The following DLG2 variants were observed in gnomAD, a reference collection of about 807,000 sequenced individuals.
DLG2 encodes the protein disks large homolog 2.
A neutral mutation model predicts 132.5 loss-of-function variants in DLG2; 45 were observed. The ratio of observed to expected loss-of-function variants is 0.34; its 90% CI spans 0.27 to 0.44. The LOEUF is 0.44. Ranked by LOEUF, DLG2 falls within the 20% of genes least tolerant of loss-of-function variation. The pLI is 1.00. For missense variants in DLG2, 1,045 were observed against 1,196.9 expected (o/e 0.87, Z 1.87); for synonymous variants, 424 against 419.6 (o/e 1.01, Z -0.13).
At chr11:84,005,229 G>T (rs1360841428) in intron 11 of DLG2, among the ~76,000 whole-genome samples, 3 of 152,034 alleles carry the variant, frequency 2.0e-5, no homozygotes, top group African/African-American at 7.2e-5. Flanking sequence ...TGACAAAGCT[G>T]CTAAGAACAT....
intron 3 of DLG2, among the ~76,000 whole-genome samples, chr11:85,491,084 G>C (rs1014574822): frequency 1.1e-4 from 16 of 151,910 alleles, no homozygotes; most frequent in Non-Finnish European, 2.4e-4. Flanking sequence ...ATGATCAAAT[G>C]GGTTTTATAA....
intron 15 of DLG2, among the ~76,000 whole-genome samples, chr11:83,914,304 G>A (rs551220370): frequency 3.9e-5 from 6 of 152,192 alleles, no homozygotes; most frequent in Middle Eastern, 3.4e-3. Flanking sequence ...ATGTGATCCT[G>A]GCTCCCCTCT....
intron 12 of DLG2, among the ~76,000 whole-genome samples, chr11:83,973,152 T>C (rs1163174295): frequency 6.6e-6 from 1 of 152,118 alleles, no homozygotes. Flanking sequence ...TCCATTTTCA[T>C]ATGTTTTAAA....
chr11:84,243,709 T>G (rs529128201), intron 8 of DLG2, among the ~76,000 whole-genome samples: 1 of 152,210 alleles, frequency 6.6e-6, no homozygotes, highest in African/African-American at 2.4e-5. Context: ...AGCAAAGGTC[T>G]AGATGTAGGT....
At chr11:84,317,295 G>GGA in intron 7 of DLG2, 2 of 1,442,754 alleles carry the variant, frequency 1.4e-6, no homozygotes, top group Non-Finnish European at 1.8e-6. Flanking sequence ...GTGCATCGTG[G>GGA]GAGCAGTGGG....
rs58945482 is a variant in DLG2, at chr11:84,928,982, GTATATATATATATATATATATA to G, written c.357+182657_357+182678del. Among the ~76,000 whole-genome samples, 43 of 49,116 alleles carry G rather than the reference GTATATATATATATATATATATA, an allele frequency of 8.8e-4. 1 individual carries two copies. The Admixed American group carries it at 9.4e-3, about 11-fold the overall frequency. 32.2% of individuals were successfully genotyped at this position (49,116 alleles called of 152,430 possible). A position where few individuals can be genotyped will look rare whatever the true frequency, so the allele number is the denominator to read the frequency against. ...TATGTGTGTGTGTGTGTGTGTGTGT[GTATATATATATATATATATATA>G]TATATATATATATATATATATTACT... On this transcript the variant is annotated intron_variant, in intron 6 of 27. Transcript: ENST00000376104.
At chr11:85,307,026 G>A (rs887637494) in intron 3 of DLG2, among the ~76,000 whole-genome samples, 1 of 152,180 alleles carries the variant, frequency 6.6e-6, no homozygotes, top group East Asian at 1.9e-4. Flanking sequence ...CTGCAAGGAG[G>A]GGGGATGAAA....
intron 10 of DLG2, among the ~76,000 whole-genome samples, chr11:84,095,884 C>T (rs919789071): frequency 6.6e-6 from 1 of 152,028 alleles, no homozygotes; most frequent in African/African-American, 2.4e-5. Flanking sequence ...CCTTAGTAGG[C>T]AATATTCATA....
intron 4 of DLG2, among the ~76,000 whole-genome samples, chr11:85,161,857 C>T (rs764234354): frequency 6.6e-5 from 10 of 152,144 alleles, no homozygotes; most frequent in Non-Finnish European, 1.5e-4. Context: ...TCTGAATCAG[C>T]ATCCAATGTA....
At chr11:84,253,928 C>G (rs560337172) in intron 7 of DLG2, among the ~76,000 whole-genome samples, 1 of 152,092 alleles carries the variant, frequency 6.6e-6, no homozygotes, top group African/African-American at 2.4e-5. Flanking sequence ...GAGTACCATA[C>G]AAGAACTAGA....
intron 7 of DLG2, among the ~76,000 whole-genome samples, chr11:84,430,187 C>T (rs949824189): frequency 1.3e-5 from 2 of 152,040 alleles, no homozygotes; most frequent in Non-Finnish European, 2.9e-5. Context: ...CCTGTAATCC[C>T]AGTACTTTGG....
At chr11:84,217,881 C>T (rs1190129657) in intron 8 of DLG2, among the ~76,000 whole-genome samples, 1 of 152,136 alleles carries the variant, frequency 6.6e-6, no homozygotes, top group Admixed American at 6.5e-5. Context: ...GAAAGTAGAA[C>T]CTGTGGCCTG....
intron 6 of DLG2, among the ~76,000 whole-genome samples, chr11:84,871,559 C>A (rs2085460626): frequency 6.6e-6 from 1 of 151,922 alleles, no homozygotes; most frequent in Non-Finnish European, 1.5e-5. Context: ...ATGAAGAAGA[C>A]TCTTAAGTAG....
chr11:83,660,163 T>C (rs2073884761), intron 18 of DLG2, among the ~76,000 whole-genome samples: 2 of 152,216 alleles, frequency 1.3e-5, no homozygotes, highest in African/African-American at 4.8e-5. Flanking sequence ...GAGCATCTAC[T>C]GTGTCTCTGA....
intron 3 of DLG2, among the ~76,000 whole-genome samples, chr11:85,491,858 A>G (rs1018899751): frequency 6.6e-6 from 1 of 152,120 alleles, no homozygotes; most frequent in African/African-American, 2.4e-5. Flanking sequence ...ATCACTGTCA[A>G]AATTTTAATG....
intron 8 of DLG2, among the ~76,000 whole-genome samples, chr11:84,244,912 G>C (rs964521230): frequency 6.6e-6 from 1 of 152,132 alleles, no homozygotes; most frequent in Non-Finnish European, 1.5e-5. Context: ...CCAATCAAAA[G>C]TGAATCATAG....
intron 8 of DLG2, among the ~76,000 whole-genome samples, chr11:84,227,930 A>G (rs2097028447): frequency 6.6e-6 from 1 of 151,518 alleles, no homozygotes; most frequent in East Asian, 1.9e-4. Context: ...AAAAAAAAAA[A>G]AATGTATGTT....
rs1037518218 is a variant in DLG2, at chr11:83,458,211, GTC to G, written c.*1605_*1606del. ...GTAGAGTGGTTATTATCACTGAAAAGTCTCTCCCCAAACACCATGGGCAAAAG... is the reference window on the plus strand; with the variant it reads ...GTAGAGTGGTTATTATCACTGAAAAGTCTCCCCAAACACCATGGGCAAAAG... On this transcript the variant is annotated 3_prime_UTR_variant, in exon 28 of 28. Coordinates refer to ENST00000376104, the MANE Select transcript of DLG2 (RefSeq NM_001142699.3). 3.3e-5 allele frequency: 5 copies of G among 152,570 alleles called. No individual in the cohort carries two copies. The highest frequency in any genetic ancestry group is 9.7e-5 in the African/African-American group (4 of 41,420). 9.5% of individuals were successfully genotyped at this position (152,570 alleles called of 1,614,324 possible). A position where few individuals can be genotyped will look rare whatever the true frequency, so the allele number is the denominator to read the frequency against.
At chr11:83,633,603 G>A (rs958742370) in intron 18 of DLG2, among the ~76,000 whole-genome samples, 3 of 152,008 alleles carry the variant, frequency 2.0e-5, no homozygotes, top group African/African-American at 7.3e-5. Flanking sequence ...AGGGAGGATG[G>A]GGGATCATGG....
Sources: allele counts gnomAD v4.1 joint callset (sites outside exome capture counted in the v4.1 genomes callset), GRCh38; gene constraint gnomAD v4.1.1; transcripts MANE v1.5; gene names NCBI Gene and HGNC (gene_info 2026-07-23, HGNC 2026-07-21).